The following MTOR variants were observed in gnomAD, a reference collection of about 807,000 sequenced individuals.
MTOR encodes mechanistic target of rapamycin kinase.
A neutral mutation model predicts 319.8 loss-of-function variants in MTOR; 70 were observed. That is an observed-to-expected ratio of 0.22 (90% CI 0.18 to 0.27). The LOEUF (loss-of-function observed/expected upper bound fraction) is 0.27, where lower values mean the gene tolerates loss of function less well. MTOR is among the 10% of genes least tolerant of loss of function. MTOR has a pLI of 1.00. For missense variants in MTOR, 1,890 were observed against 3,274.4 expected (o/e 0.58, Z 10.32); for synonymous variants, 1,183 against 1,211.4 (o/e 0.98, Z 0.49).
At chr1:11,151,263 C>A (rs1325333932) in intron 30 of MTOR, among the ~76,000 whole-genome samples, 1 of 152,186 alleles carries the variant, frequency 6.6e-6, no homozygotes, top group Non-Finnish European at 1.5e-5. Flanking sequence ...CGCAGTACAG[C>A]AGATATTAAC....
intron 19 of MTOR, among the ~76,000 whole-genome samples, chr1:11,222,325 T>C (rs961178142): frequency 6.6e-6 from 1 of 151,982 alleles, no homozygotes; most frequent in African/African-American, 2.4e-5. Context: ...GCCTCCCACG[T>C]AGCTGGGACT....
intron 28 of MTOR, among the ~76,000 whole-genome samples, chr1:11,181,205 A>C (rs1208866206): frequency 1.3e-5 from 2 of 152,144 alleles, no homozygotes; most frequent in Non-Finnish European, 2.9e-5. Flanking sequence ...TCTGGAATAA[A>C]CAGGAGAGGG....
intron 19 of MTOR, among the ~76,000 whole-genome samples, chr1:11,223,223 T>C (rs1244140192): frequency 6.6e-6 from 1 of 152,024 alleles, no homozygotes; most frequent in African/African-American, 2.4e-5. Flanking sequence ...GAAAGAATTA[T>C]ATACATCAAC....
intron 1 of MTOR, among the ~76,000 whole-genome samples, chr1:11,259,760 T>C (rs1650870370): frequency 6.6e-6 from 1 of 152,098 alleles, no homozygotes. Flanking sequence ...CTGCCCAACA[T>C]GGTGAAAACC....
Position 11,224,026 on chromosome 1 carries a change from G to A in MTOR, c.3030+4642C>T, listed in dbSNP as rs542893134. Among the ~76,000 whole-genome samples the A allele has an allele frequency of 5.8e-4, 84 of 145,978 alleles. 1 individual carries two copies. The highest frequency in any genetic ancestry group is 2.0e-3 in the African/African-American group (77 of 38,022). On this transcript the variant is annotated intron_variant, in intron 19 of 57. Coordinates refer to ENST00000361445, the MANE Select transcript of MTOR (RefSeq NM_004958.4). The stretch of plus-strand genomic sequence containing the variant: ...TGCACTCCACCCTGGCAACAAGAGC[G>A]ATACTCCGTCTCAAAATAAAATAAA...
intron 46 of MTOR, among the ~76,000 whole-genome samples, chr1:11,126,234 T>TAA (rs113648055): frequency 0.013 from 1,862 of 142,202 alleles, 47 homozygotes; most frequent in African/African-American, 0.042. Flanking sequence ...ACTATGATGG[T>TAA]AAAAAAAAAA....
At chr1:11,238,841 C>G (rs1274723635) in intron 11 of MTOR, among the ~76,000 whole-genome samples, 1 of 151,582 alleles carries the variant, frequency 6.6e-6, no homozygotes, top group East Asian at 1.9e-4. Context: ...CCACTCACTG[C>G]AGGCTCCGCC....
Position 11,139,607 on chromosome 1 carries a change from G to C in MTOR, c.4924C>G (p.Leu1642Val), listed in dbSNP as rs768049075. The change falls in exon 35 of 58, where the codon CTT (leucine) becomes GTT (valine). Residue 1642 changes from leucine to valine, a missense_variant. Physicochemically the swap from Leu to Val is conservative, Grantham distance 32 (BLOSUM62 1). Coordinates refer to ENST00000361445, the MANE Select transcript of MTOR (RefSeq NM_004958.4). ...DWQKILMVRS[L>V]VVSPHEDMRT... Reference sequence around the variant, plus strand: ...ATGTCTTCATGAGGGCTGACCACAAGGGACCGCACCATAAGGATTTTCTGC... The same window carrying C: ...ATGTCTTCATGAGGGCTGACCACAACGGACCGCACCATAAGGATTTTCTGC... 10 of 1,614,096 alleles carry C rather than the reference G, an allele frequency of 6.2e-6. No homozygotes were observed. Among genetic ancestry groups the C allele is most frequent in the Non-Finnish European group, 7.6e-6 (9 of 1,180,046 alleles).
Position 11,256,022 on chromosome 1 carries a change from C to T in MTOR, c.675G>A (p.Pro225=), listed in dbSNP as rs551319506. ...ACCACTGAGGCTTCTGCATCTCCTT[C>T]GGCTCACGCTGGGTTGTGAGAATCA... ...ACLILTTQRE[P]KEMQKPQWYR... Residue 225 remains proline, a synonymous_variant, in exon 5 of 58, where the codon CCG becomes CCA. Transcript: ENST00000361445. The T allele has an allele frequency of 1.8e-5, 29 of 1,614,128 alleles. No homozygotes were observed. The highest frequency in any genetic ancestry group is 1.5e-4 in the African/African-American group (11 of 75,034).
At position 11,230,968 on chromosome 1, in the gene MTOR, G is replaced by A. The variant is rs1646996555; in HGVS notation, c.2736C>T (p.Ala912=). The A allele has an allele frequency of 6.2e-7, 1 of 1,614,116 alleles. No individual in the cohort carries two copies. Among genetic ancestry groups the A allele is most frequent in the Non-Finnish European group, 8.5e-7 (1 of 1,180,012 alleles). Residue 912 remains alanine, a synonymous_variant, in exon 18 of 58, where the codon GCC becomes GCT. Coordinates refer to ENST00000361445, the MANE Select transcript of MTOR (RefSeq NM_004958.4). The part of the protein sequence containing the change: ...NIGMIDQSRD[A]SAVSLSESKS... ...TGGATTCTGACAGGCTGACAGCAGA[G>A]GCATCCCGGGACTGGTCTATCATGC...
Position 11,165,116 on chromosome 1 carries a change from T to C in MTOR, c.4329+2326A>G, listed in dbSNP as rs546819260. Among the ~76,000 whole-genome samples, 7 of 152,218 alleles carry C rather than the reference T, an allele frequency of 4.6e-5. No homozygotes were observed. In the East Asian group the frequency reaches 1.2e-3, roughly 25 times the overall value. The stretch of plus-strand genomic sequence containing the variant: ...CGTATCTCAAAATAATAAGAGATAT[T>C]TATGACAAACCCACAGCCAATATCA... On this transcript the variant is annotated intron_variant, in intron 29 of 57. Coordinates refer to ENST00000361445, the MANE Select transcript of MTOR (RefSeq NM_004958.4).
rs2100764810 is a variant in MTOR at position 11,204,571 on chromosome 1, G to C, written c.3934C>G (p.Pro1312Ala). ...SCWALAQAYN[P>A]MARDLFNAAF... ...CCTGACACACTATACCTGGCCATCG[G>C]GTTGTAGGCCTGTGCCAGGGCCCAG... is the stretch of plus-strand genomic sequence containing the variant. The change falls in exon 26 of 58, where the codon CCG becomes GCG. Residue 1312 changes from proline to alanine, a missense_variant. Physicochemically the swap from Pro to Ala is conservative, Grantham distance 27. Transcript: ENST00000361445. The C allele has an allele frequency of 6.2e-7, 1 of 1,614,036 alleles. No homozygotes were observed. The highest frequency in any genetic ancestry group is 1.1e-5 in the South Asian group (1 of 91,078).
intron 56 of MTOR, among the ~76,000 whole-genome samples, chr1:11,108,762 C>CTCACGCCTGTAATCCTAGCATTTTG: frequency 6.7e-6 from 1 of 148,834 alleles, no homozygotes; most frequent in Non-Finnish European, 1.5e-5. Flanking sequence ...CGGCCGGGTG[C>CTCACGCCTGTAATCCTAGCATTTTG]GGTGGGTGAA....
chr1:11,196,280 C>T (rs985012310), intron 28 of MTOR, among the ~76,000 whole-genome samples: 4 of 152,152 alleles, frequency 2.6e-5, no homozygotes, highest in African/African-American at 7.2e-5. Context: ...CCCTAATGCT[C>T]GGGGCTAACC....
At chr1:11,116,560 T>C (rs1642178813) in intron 50 of MTOR, among the ~76,000 whole-genome samples, 1 of 152,150 alleles carries the variant, frequency 6.6e-6, no homozygotes, top group South Asian at 2.1e-4. Flanking sequence ...TCCTCCCACC[T>C]CAGCCTCCCA....
intron 6 of MTOR, among the ~76,000 whole-genome samples, chr1:11,251,088 G>A (rs1035249042): frequency 6.6e-6 from 1 of 152,124 alleles, no homozygotes; most frequent in Non-Finnish European, 1.5e-5. Context: ...TGAAATATGA[G>A]TTAAATGTCA....
At chr1:11,172,772 G>C (rs1644861712) in intron 28 of MTOR, among the ~76,000 whole-genome samples, 1 of 151,556 alleles carries the variant, frequency 6.6e-6, no homozygotes, top group South Asian at 2.1e-4. Flanking sequence ...GGGAGGCTGA[G>C]GCAGGAGGAT....
chr1:11,187,748 G>A (rs1645369447), intron 28 of MTOR, among the ~76,000 whole-genome samples: 6 of 152,172 alleles, frequency 3.9e-5, no homozygotes, highest in South Asian at 2.1e-4. Flanking sequence ...CCAGAGTCTC[G>A]TTACTAAAAT....
At chr1:11,157,903 C>T in intron 29 of MTOR, among the ~76,000 whole-genome samples, 1 of 152,128 alleles carries the variant, frequency 6.6e-6, no homozygotes, top group East Asian at 1.9e-4. Flanking sequence ...TTTGGAAAGT[C>T]TTTCCCCTAT....
Sources: allele counts gnomAD v4.1 joint callset (sites outside exome capture counted in the v4.1 genomes callset), GRCh38; gene constraint gnomAD v4.1.1; transcripts MANE v1.5; gene names NCBI Gene and HGNC (gene_info 2026-07-23, HGNC 2026-07-21).